The following MARCHF8 variants were observed in gnomAD, a reference collection of about 807,000 sequenced individuals.
MARCHF8 encodes E3 ubiquitin-protein ligase MARCHF8.
Under a neutral mutation model 51.6 loss-of-function variants are expected in MARCHF8, and 40 were observed. The observed-to-expected ratio is 0.77, with a 90% CI of 0.60 to 1.01. The LOEUF is 1.01. Among genes scored for constraint, MARCHF8 ranks in the 50% least tolerant of loss-of-function variants. The probability of loss-of-function intolerance (pLI) is 0.00; values close to 1 mark genes in which losing one functional copy is unlikely to be tolerated. For missense variants in MARCHF8, 685 were observed against 708.6 expected (o/e 0.97, Z 0.38); for synonymous variants, 263 against 280.3 (o/e 0.94, Z 0.62).
chr10:45,503,596 A>T (rs2043324281), intron 2 of MARCHF8, among the ~76,000 whole-genome samples: 1 of 150,972 alleles, frequency 6.6e-6, no homozygotes, highest in African/African-American at 2.4e-5. Flanking sequence ...TAAATAAAAA[A>T]CAACCAATTA....
chr10:45,459,057 C>A, intron 7 of MARCHF8, 63 bp downstream of exon 7: 2 of 1,601,944 alleles, frequency 1.2e-6, no homozygotes, highest in Non-Finnish European at 8.5e-7. Context: ...AATCCTCTGA[C>A]CCCAGGACTC....
chr10:45,536,870 A>ATAATAATAG (rs1554817155), upstream of MARCHF8, among the ~76,000 whole-genome samples: 2,215 of 147,910 alleles, frequency 0.015, 26 homozygotes, highest in Admixed American at 0.017. Context: ...AATAATAATA[A>ATAATAATAG]TAATAATAAT....
intron 6 of MARCHF8, chr10:45,459,681 C>G: frequency 1.0e-6 from 1 of 983,876 alleles, no homozygotes; most frequent in Non-Finnish European, 1.2e-6. Context: ...GATGATGCCA[C>G]AACACACTAG....
chr10:45,499,492 T>C (rs1053004858), intron 2 of MARCHF8, among the ~76,000 whole-genome samples: 1 of 152,216 alleles, frequency 6.6e-6, no homozygotes, highest in Non-Finnish European at 1.5e-5. Flanking sequence ...TGGTGTCATA[T>C]CCAAAAAATT....
chr10:45,531,819 C>T (rs1207102964), intron 2 of MARCHF8, among the ~76,000 whole-genome samples: 1 of 152,152 alleles, frequency 6.6e-6, no homozygotes, highest in South Asian at 2.1e-4. Flanking sequence ...TAATATCTCC[C>T]AAGCACAGGA....
At chr10:45,475,740 T>G (rs2042776002) in intron 3 of MARCHF8, among the ~76,000 whole-genome samples, 1 of 152,054 alleles carries the variant, frequency 6.6e-6, no homozygotes, top group Non-Finnish European at 1.5e-5. Flanking sequence ...CTACCAGCGT[T>G]TGAGCAAGCT....
At chr10:45,556,594 T>C (rs1343580196) in intron 1 of MARCHF8, among the ~76,000 whole-genome samples, 3 of 152,238 alleles carry the variant, frequency 2.0e-5, no homozygotes, top group Non-Finnish European at 2.9e-5. Flanking sequence ...TATGCTTTAA[T>C]AATAAAATGT....
At chr10:45,491,538 C>G (rs752063921) in intron 2 of MARCHF8, among the ~76,000 whole-genome samples, 3 of 152,064 alleles carry the variant, frequency 2.0e-5, no homozygotes, top group Non-Finnish European at 4.4e-5. Flanking sequence ...AGCAAGACTC[C>G]GTATCAACAA....
chr10:45,568,699 CAG>C (rs963339858), intron 1 of MARCHF8, among the ~76,000 whole-genome samples: 48 of 105,918 alleles, frequency 4.5e-4, no homozygotes, highest in African/African-American at 1.6e-3. Context: ...AGCCTGGTGA[CAG>C]AGCGAGACTG....
At chr10:45,459,950 C>A (rs1842733955) in intron 6 of MARCHF8, 2 of 945,664 alleles carry the variant, frequency 2.1e-6, no homozygotes, top group Non-Finnish European at 2.5e-6. Flanking sequence ...TGCACATATC[C>A]TTTGCCAACC....
intron 3 of MARCHF8, among the ~76,000 whole-genome samples, chr10:45,484,828 T>C (rs1320106901): frequency 2.6e-5 from 4 of 152,150 alleles, no homozygotes; most frequent in Non-Finnish European, 4.4e-5. Context: ...GTAGACACCA[T>C]ACCTAGATCA....
intron 1 of MARCHF8, among the ~76,000 whole-genome samples, chr10:45,560,441 G>A (rs953471377): frequency 6.6e-5 from 10 of 152,142 alleles, no homozygotes; most frequent in African/African-American, 2.2e-4. Context: ...TTCATCATCC[G>A]CACACAGGAC....
chr10:45,527,425 A>C (rs1363283052), intron 2 of MARCHF8, among the ~76,000 whole-genome samples: 1 of 152,160 alleles, frequency 6.6e-6, no homozygotes, highest in Non-Finnish European at 1.5e-5. Flanking sequence ...GAAATGAAAA[A>C]GACACTACAA....
At chr10:45,466,891 A>C (rs150823955) in intron 3 of MARCHF8, among the ~76,000 whole-genome samples, 114 of 152,328 alleles carry the variant, frequency 7.5e-4, no homozygotes, top group Admixed American at 1.8e-3. Flanking sequence ...TGAAGGTAGG[A>C]GGGCAGAGCC....
intron 2 of MARCHF8, among the ~76,000 whole-genome samples, chr10:45,492,134 C>T (rs1564482448): frequency 6.6e-6 from 1 of 152,156 alleles, no homozygotes; most frequent in Non-Finnish European, 1.5e-5. Flanking sequence ...AAACAAATAA[C>T]AAGCCCTAGA....
At chr10:45,461,578 A>T in intron 5 of MARCHF8, 167 bp from the exon 6 acceptor site, 1 of 464,402 alleles carries the variant, frequency 2.2e-6, no homozygotes, top group Non-Finnish European at 3.5e-6. Context: ...ACTACAAACT[A>T]AAAATGTCTA....
chr10:45,542,289 G>A (rs1410477730), intron 1 of MARCHF8, among the ~76,000 whole-genome samples: 2 of 140,144 alleles, frequency 1.4e-5, no homozygotes, highest in African/African-American at 2.7e-5. Context: ...GAAGCTTGTA[G>A]TGAGCCGAGA....
chr10:45,542,345 C>CAAAAAAAA (rs60776762), intron 1 of MARCHF8, among the ~76,000 whole-genome samples: 2 of 48,988 alleles, frequency 4.1e-5, no homozygotes, highest in African/African-American at 1.4e-4. Flanking sequence ...GACTTCGTCT[C>CAAAAAAAA]AAAAAAAAAA....
chr10:45,505,282 C>A (rs2043359390), intron 2 of MARCHF8, among the ~76,000 whole-genome samples: 1 of 152,146 alleles, frequency 6.6e-6, no homozygotes, highest in Admixed American at 6.5e-5. Flanking sequence ...AGGATTGGGT[C>A]CCCACTCCCA....
Sources: gnomAD v4.1 joint callset for allele counts (sites outside exome capture counted in the v4.1 genomes callset) on GRCh38, gnomAD v4.1.1 for gene constraint, MANE v1.5 for transcripts, NCBI Gene and HGNC (gene_info 2026-07-23, HGNC 2026-07-21) for gene names.